STAG2: variants seen among roughly 807,000 people sequenced by gnomAD.
STAG2 encodes STAG2 cohesin complex component.
Under a neutral mutation model 108.1 loss-of-function variants are expected in STAG2, and 14 were observed. The observed-to-expected ratio is 0.13, with a 90% confidence interval of 0.09 to 0.20. The LOEUF (loss-of-function observed/expected upper bound fraction) is 0.20. Among genes scored for constraint, STAG2 ranks in the 10% least tolerant of loss-of-function variants. STAG2 has a pLI of 1.00. For missense variants in STAG2, 440 were observed against 940.9 expected (o/e 0.47, Z 6.96); for synonymous variants, 307 against 302.7 (o/e 1.01, Z -0.15).
In STAG2 at chrX:123,967,839, C is replaced by T. The variant is rs35151116; in HGVS notation, c.-163+5983C>T. ...AAACAAAAAAGATACAATAAAAATA[C>T]GGTATAAAAGAAAAAATAGTACACC... On this transcript the variant is annotated intron_variant, in intron 1 of 34. Coordinates refer to ENST00000371145, the MANE Select transcript of STAG2 (RefSeq NM_001042750.2). 7.4e-3 allele frequency among the ~76,000 whole-genome samples: 816 copies of T among 109,830 alleles called. 7 individuals carry two copies. The highest frequency in any genetic ancestry group is 0.025 in the African/African-American group (765 of 30,241).
At chrX:124,016,174 C>T (rs1314887175) in intron 1 of STAG2, among the ~76,000 whole-genome samples, 2 of 110,255 alleles carry the variant, frequency 1.8e-5, no homozygotes, top group African/African-American at 6.6e-5. Context: ...CAGTCTCACT[C>T]TATTGCCCAG....
At chrX:124,099,729 A>G (rs1477319249) in intron 34 of STAG2, among the ~76,000 whole-genome samples, 1 of 111,822 alleles carries the variant, frequency 8.9e-6, no homozygotes, top group Non-Finnish European at 1.9e-5. Flanking sequence ...TCAGCTCATT[A>G]CATCTGGCTT....
chrX:124,045,123 T>G lies in STAG2; in HGVS notation c.463-41T>G, dbSNP rs187731287. The G allele has an allele frequency of 3.0e-4, 330 of 1,099,981 alleles. No individual in the cohort carries two copies. The African/African-American group carries it at 5.2e-3, about 17-fold the overall frequency. The allele number at this position is 1,099,981 out of a possible 1,213,427, so 90.7% of individuals were successfully genotyped here. A position where few individuals can be genotyped will look rare whatever the true frequency, so the allele number is the denominator to read the frequency against. ...CAAAAGCAAGTGATATGTTAAGTCA[T>G]GCATTCTAAATGAAATTGCTGTTTT... is the stretch of plus-strand genomic sequence containing the variant. On this transcript the variant is annotated intron_variant, in intron 7 of 34. Coordinates refer to ENST00000371145, the MANE Select transcript of STAG2 (RefSeq NM_001042750.2).
At chrX:124,032,861 G>A (rs968825916) in intron 5 of STAG2, among the ~76,000 whole-genome samples, 4 of 111,955 alleles carry the variant, frequency 3.6e-5, no homozygotes, top group African/African-American at 1.3e-4. Context: ...AGAACTATCC[G>A]TTCAGGCTTT....
rs1170829092 is a variant in STAG2, at chrX:124,062,892, G to T, written c.1639-10G>T. ...GCTTAATAAATACAGAAGTCTTTCT[G>T]TTCCTTTAGGTGCTTACAGCAAAGG... is the stretch of plus-strand genomic sequence containing the variant. On this transcript the variant is annotated splice_polypyrimidine_tract_variant and intron_variant, in intron 17 of 34. Transcript: ENST00000371145. The T allele has an allele frequency of 8.4e-7, 1 of 1,195,996 alleles. No individual in the cohort carries two copies. Among genetic ancestry groups the T allele is most frequent in the Admixed American group, 2.2e-5 (1 of 45,445 alleles).
At position 124,097,179 on chromosome X, in the gene STAG2, CAAAAAA is replaced by C. The variant is rs56942682; in HGVS notation, c.3783+1750_3783+1755del. ...GGGTGACAGAGCCGAGACCCTGTCT[CAAAAAA>C]AAAAAAAAAAAAAAAAAAAGTAGAA... On this transcript the variant is annotated intron_variant, in intron 34 of 34. Coordinates refer to ENST00000371145, the MANE Select transcript of STAG2 (RefSeq NM_001042750.2). Among the ~76,000 whole-genome samples the C allele has an allele frequency of 4.5e-4, 17 of 38,192 alleles. No homozygotes were observed. In the Admixed American group the frequency reaches 5.1e-3, roughly 12 times the overall value. The allele number at this position is 38,192 out of a possible 115,157, so 33.2% of individuals were successfully genotyped here. A position where few individuals can be genotyped will look rare whatever the true frequency, so the allele number is the denominator to read the frequency against.
At chrX:124,058,915 T>C (rs1051767692) in intron 15 of STAG2, among the ~76,000 whole-genome samples, 3 of 112,599 alleles carry the variant, frequency 2.7e-5, no homozygotes, top group South Asian at 3.6e-4. Flanking sequence ...TAGGATTTTC[T>C]ACATTACACC....
At chrX:124,025,010 C>A (rs752119116) in intron 3 of STAG2, among the ~76,000 whole-genome samples, 24 of 111,642 alleles carry the variant, frequency 2.1e-4, no homozygotes, top group Non-Finnish European at 4.3e-4. Flanking sequence ...TTATTTAAAT[C>A]GGTCGGCTTC....
In STAG2 at chrX:124,056,235, A is replaced by G; in HGVS notation, c.1304A>G (p.Lys435Arg). Residue 435 changes from lysine (K) to arginine (R), a missense_variant and splice_region_variant, in exon 14 of 35, where the codon AAG becomes AGG. By Grantham distance (26) the Lys-to-Arg change is conservative. Coordinates refer to ENST00000371145, the MANE Select transcript of STAG2 (RefSeq NM_001042750.2). ...AVAAGEFLYK[K>R]LFSRRDPEED... The stretch of plus-strand genomic sequence containing the variant: ...GCAGCTGGAGAATTTCTCTACAAAA[A>G]GTAAATCTATATATCTGTTACTCAT... 8.4e-7 allele frequency: 1 copy of G among 1,183,619 alleles called. No individual in the cohort carries two copies. The highest frequency in any genetic ancestry group is 1.1e-6 in the Non-Finnish European group (1 of 871,796).
At chrX:124,038,335 T>A (rs1328263162) in intron 6 of STAG2, among the ~76,000 whole-genome samples, 3 of 109,509 alleles carry the variant, frequency 2.7e-5, no homozygotes, top group Non-Finnish European at 5.7e-5. Context: ...GTATCTGGTG[T>A]CTCCCAATAC....
intron 20 of STAG2, 73 bp downstream of exon 20, chrX:124,064,124 A>T: frequency 1.3e-6 from 1 of 777,111 alleles, no homozygotes; most frequent in Non-Finnish European, 1.9e-6. Context: ...TAGTCACCCA[A>T]GTGTTAAGTC....
chrX:123,972,031 T>C (rs2054372191), intron 1 of STAG2, among the ~76,000 whole-genome samples: 1 of 111,626 alleles, frequency 9.0e-6, no homozygotes, highest in Non-Finnish European at 1.9e-5. Flanking sequence ...TGCTGTCACC[T>C]GAAAAAATAT....
chrX:124,057,903 A>G lies in STAG2; in HGVS notation c.1342A>G (p.Met448Val), dbSNP rs146439650. 3 of 1,190,716 alleles carry G rather than the reference A, an allele frequency of 2.5e-6. No individual in the cohort carries two copies. Among genetic ancestry groups the G allele is most frequent in the African/African-American group, 3.6e-5 (2 of 55,909 alleles). The change falls in exon 15 of 35, where the codon ATG (methionine) becomes GTG (valine). Residue 448 changes from methionine to valine, a missense_variant. Met to Val is a conservative substitution (Grantham distance 21, BLOSUM62 1). Around this residue, in one of 3 missense-constraint regions of STAG2, gnomAD observed 337 missense variants for 649.3 expected, o/e 0.52. Transcript: ENST00000371145. ...TAGAGATCCAGAGGAGGATGGAATG[A>G]TGAAAAGAAGAGGAAGACAAGGTCC... ...SRRDPEEDGM[M>V]KRRGRQGPNA...
intron 1 of STAG2, among the ~76,000 whole-genome samples, chrX:124,009,026 C>T (rs1046818493): frequency 9.0e-6 from 1 of 111,519 alleles, no homozygotes. Context: ...TTCAAGTTCT[C>T]TGTAGTAGAG....
intron 15 of STAG2, among the ~76,000 whole-genome samples, 177 bp downstream of exon 15, chrX:124,058,154 C>CTTTTTTTTTTTTTTT (rs999044036): frequency 1.4e-5 from 1 of 72,964 alleles, no homozygotes; most frequent in Non-Finnish European, 2.6e-5. Context: ...TACTTTTCTT[C>CTTTTTTTTTTTTTTT]TTTTTTTTTT....
chrX:124,071,286 T>A lies in STAG2; in HGVS notation c.2496T>A (p.His832Gln), dbSNP rs1385652200. 8.3e-7 allele frequency: 1 copy of A among 1,203,009 alleles called. No individual in the cohort carries two copies. Among genetic ancestry groups the A allele is most frequent in the Admixed American group, 2.3e-5 (1 of 44,317 alleles). The part of the protein sequence containing the change: ...QSELLSFILD[H>Q]VFIEQDDDNN... ...AGTTGCTCAGCTTTATTTTGGATCA[T>A]GTCTTCATTGAACAGGATGATGATA... The change falls in exon 25 of 35, where the codon CAT (histidine) becomes CAA (glutamine). Residue 832 changes from histidine (H) to glutamine (Q), a missense_variant. By Grantham distance (24) the His-to-Gln change is conservative (BLOSUM62 0). Coordinates refer to ENST00000371145, the MANE Select transcript of STAG2 (RefSeq NM_001042750.2).
chrX:124,053,564 A>G (rs753728315), intron 13 of STAG2, among the ~76,000 whole-genome samples: 6 of 111,576 alleles, frequency 5.4e-5, no homozygotes, highest in Non-Finnish European at 9.4e-5. Context: ...GGACTAGCCC[A>G]ATGTATTTTT....
At position 123,965,055 on chromosome X, in the gene STAG2, C is replaced by T. The variant is rs760151601; in HGVS notation, c.-163+3199C>T. On this transcript the variant is annotated intron_variant, in intron 1 of 34. Transcript: ENST00000371145. Reference sequence around the variant, plus strand: ...CATTTTAAAAATACATGTCACAGTTCCGAAAGGAATCCAAAACAATGGATA... The same window carrying T: ...CATTTTAAAAATACATGTCACAGTTTCGAAAGGAATCCAAAACAATGGATA... Among the ~76,000 whole-genome samples the T allele has an allele frequency of 1.8e-4, 18 of 102,079 alleles. No individual in the cohort carries two copies. In the East Asian group the frequency reaches 5.6e-3, roughly 32 times the overall value. The allele number at this position is 102,079 out of a possible 115,157, so 88.6% of individuals were successfully genotyped here.
intron 19 of STAG2, 49 bp downstream of exon 19, chrX:124,063,254 C>A: frequency 1.1e-6 from 1 of 909,975 alleles, no homozygotes; most frequent in Non-Finnish European, 1.5e-6. Context: ...TTATTCAGTT[C>A]ATTATATCAT....
Sources: gnomAD v4.1 joint callset for allele counts (sites outside exome capture counted in the v4.1 genomes callset) on GRCh38, gnomAD v4.1.1 for gene constraint, gnomAD v4.1.1 regional missense constraint, MANE v1.5 for transcripts, NCBI Gene and HGNC (gene_info 2026-07-23, HGNC 2026-07-21) for gene names.